Variants in GRAMD1C observed in about 807,000 individuals in gnomAD.
GRAMD1C encodes the protein GRAM domain containing 1C.
GRAMD1C carries 89 observed loss-of-function variants against 97.8 expected under a neutral mutation model. The ratio of observed to expected loss-of-function variants is 0.91; its 90% confidence interval spans 0.77 to 1.09. GRAMD1C has a LOEUF of 1.09. Ranked by LOEUF, GRAMD1C falls within the 50% of genes least tolerant of loss-of-function variation. GRAMD1C has a pLI of 0.00. For missense variants in GRAMD1C, 740 were observed against 766.4 expected, an observed-to-expected ratio of 0.97 and a Z score of 0.41; for synonymous variants, 256 against 267.0, an observed-to-expected ratio of 0.96 and a Z score of 0.40.
chr3:113,927,568 G>A (rs552700947), intron 10 of GRAMD1C, among the ~76,000 whole-genome samples: 24 of 152,324 alleles, frequency 1.6e-4, no homozygotes, highest in Admixed American at 7.2e-4. Context: ...GACTGGATGT[G>A]GTCACCTATT....
chr3:113,891,348 G>A (rs1935717019), intron 6 of GRAMD1C, among the ~76,000 whole-genome samples: 1 of 152,070 alleles, frequency 6.6e-6, no homozygotes, highest in Admixed American at 6.5e-5. Context: ...CATTTATGAA[G>A]TATTAGGTGC....
chr3:113,926,137 G>A (rs1184100598), intron 10 of GRAMD1C, among the ~76,000 whole-genome samples: 5 of 152,092 alleles, frequency 3.3e-5, no homozygotes, highest in Admixed American at 2.0e-4. Context: ...TGATATTTTC[G>A]AATATGTTGT....
chr3:113,892,996 A>G (rs1935797258), intron 6 of GRAMD1C, among the ~76,000 whole-genome samples: 1 of 152,212 alleles, frequency 6.6e-6, no homozygotes, highest in South Asian at 2.1e-4. Flanking sequence ...TGTGGCAATT[A>G]TATGAAATTC....
Position 113,838,796 on chromosome 3 carries a change from G to A in GRAMD1C, c.-114G>A, listed in dbSNP as rs898474387. On this transcript the variant is annotated 5_prime_UTR_variant, in exon 1 of 18. Transcript: ENST00000358160. ...GAGCTGCGGCTGGAAGTACTCGGAG[G>A]GCCGGCGGAGGAGGCGCGCGGAGCC... The A allele has an allele frequency of 3.1e-5, 21 of 686,432 alleles. No homozygotes were observed. The highest frequency in any genetic ancestry group is 4.2e-5 in the Non-Finnish European group (21 of 494,292). The allele number at this position is 686,432 out of a possible 1,614,324, so 42.5% of individuals were successfully genotyped here. A position where few individuals can be genotyped will look rare whatever the true frequency, so the allele number is the denominator to read the frequency against.
chr3:113,942,013 T>C (rs1937814398), intron 17 of GRAMD1C, among the ~76,000 whole-genome samples: 1 of 151,378 alleles, frequency 6.6e-6, no homozygotes, highest in Admixed American at 6.6e-5. Flanking sequence ...CCTCCTGGGC[T>C]CAAGCAAACC....
intron 6 of GRAMD1C, among the ~76,000 whole-genome samples, chr3:113,891,628 C>G (rs1280376442): frequency 6.6e-6 from 1 of 151,780 alleles, no homozygotes; most frequent in Non-Finnish European, 1.5e-5. Context: ...TGCTTGTAAT[C>G]CCAGCACTTC....
chr3:113,849,241 TA>T (rs1458657584), intron 2 of GRAMD1C, among the ~76,000 whole-genome samples: 1 of 151,914 alleles, frequency 6.6e-6, no homozygotes, highest in Non-Finnish European at 1.5e-5. Flanking sequence ...ATAGAAGTAA[TA>T]GTGCTTTGGA....
At chr3:113,890,046 CTCT>C (rs1251830296) in intron 6 of GRAMD1C, among the ~76,000 whole-genome samples, 1 of 144,688 alleles carries the variant, frequency 6.9e-6, no homozygotes, top group Non-Finnish European at 1.5e-5. Context: ...GCCTCCAGAG[CTCT>C]TCATGTTGAA....
At chr3:113,923,163 A>G (rs913578217) in intron 10 of GRAMD1C, among the ~76,000 whole-genome samples, 1 of 152,126 alleles carries the variant, frequency 6.6e-6, no homozygotes, top group Non-Finnish European at 1.5e-5. Context: ...TATCAGATCT[A>G]GGAGCTTTTG....
At chr3:113,907,798 C>G (rs4682146) in intron 8 of GRAMD1C, among the ~76,000 whole-genome samples, 41,910 of 151,982 alleles carry the variant, frequency 0.28, 6,647 homozygotes, top group East Asian at 0.42. Flanking sequence ...TATCTGTATT[C>G]TTTATAGTAG....
At chr3:113,851,205 TC>T (rs1258564774) in intron 2 of GRAMD1C, among the ~76,000 whole-genome samples, 1 of 152,126 alleles carries the variant, frequency 6.6e-6, no homozygotes, top group African/African-American at 2.4e-5. Context: ...TACTCAGGGG[TC>T]CTTTGTGTGT....
rs1239467571 is a variant in GRAMD1C at position 113,934,543 on chromosome 3, A to C, written c.1456+8A>C. 1.6e-6 allele frequency: 2 copies of C among 1,234,934 alleles called. No individual in the cohort carries two copies. Among genetic ancestry groups the C allele is most frequent in the African/African-American group, 1.5e-5 (1 of 64,844 alleles). The allele number at this position is 1,234,934 out of a possible 1,614,324, so 76.5% of individuals were successfully genotyped here. A position where few individuals can be genotyped will look rare whatever the true frequency, so the allele number is the denominator to read the frequency against. On this transcript the variant is annotated splice_region_variant and intron_variant, in intron 13 of 17. Transcript: ENST00000358160. ...ACTATTTCAAACAGCTTGGTTTGTAAATTTTTTTATTTATCTATTTTTGTA... is the reference window on the plus strand; with the variant it reads ...ACTATTTCAAACAGCTTGGTTTGTACATTTTTTTATTTATCTATTTTTGTA...
At position 113,876,280 on chromosome 3, in the gene GRAMD1C, T is replaced by G. The variant is rs1259845898; in HGVS notation, c.459+20T>G. On this transcript the variant is annotated intron_variant, in intron 5 of 17. Coordinates refer to ENST00000358160, the MANE Select transcript of GRAMD1C (RefSeq NM_017577.5). ...GAAAAGGTGAAAACTTTCCTATCTT[T>G]GTTATATTACATAATGTGAAGAAAA... 7.9e-7 allele frequency: 1 copy of G among 1,260,534 alleles called. No individual in the cohort carries two copies. 78.1% of individuals were successfully genotyped at this position (1,260,534 alleles called of 1,614,324 possible).
chr3:113,897,160 T>C lies in GRAMD1C; in HGVS notation c.541-3871T>C, dbSNP rs991336258. Among the ~76,000 whole-genome samples, 11 of 152,166 alleles carry C rather than the reference T, an allele frequency of 7.2e-5. 1 individual carries two copies. Among genetic ancestry groups the C allele is most frequent in the Admixed American group, 3.9e-4 (6 of 15,266 alleles). On this transcript the variant is annotated intron_variant, in intron 6 of 17. Coordinates refer to ENST00000358160, the MANE Select transcript of GRAMD1C (RefSeq NM_017577.5). ...ATCTTTGGTTGTTGTAAAGGATTAA[T>C]GCAAGAGTCTGATAGGAATACTACG... is the stretch of plus-strand genomic sequence containing the variant.
chr3:113,894,401 C>T (rs1935852742), intron 6 of GRAMD1C, among the ~76,000 whole-genome samples: 1 of 152,018 alleles, frequency 6.6e-6, no homozygotes, highest in South Asian at 2.1e-4. Flanking sequence ...GCCTCAGCCT[C>T]CTGAGTAGCT....
chr3:113,880,596 A>G (rs1488390212), intron 5 of GRAMD1C, among the ~76,000 whole-genome samples: 3 of 152,162 alleles, frequency 2.0e-5, no homozygotes, highest in Non-Finnish European at 4.4e-5. Flanking sequence ...GAACAGCCTG[A>G]CCATGCCCTC....
At position 113,943,648 on chromosome 3, in the gene GRAMD1C, T is replaced by C. The variant is rs972938713; in HGVS notation, c.1909-1750T>C. ...CATCTCCTTGGCTGGGCACAGTGGCTCACACCTGTAATCCTAGCACTTTGG... is the reference window on the plus strand; with the variant it reads ...CATCTCCTTGGCTGGGCACAGTGGCCCACACCTGTAATCCTAGCACTTTGG... On this transcript the variant is annotated intron_variant, in intron 17 of 17. Coordinates refer to ENST00000358160, the MANE Select transcript of GRAMD1C (RefSeq NM_017577.5). Among the ~76,000 whole-genome samples the C allele has an allele frequency of 2.4e-4, 37 of 152,222 alleles. 1 individual carries two copies. The highest frequency in any genetic ancestry group is 1.2e-3 in the Admixed American group (18 of 15,276).
intron 2 of GRAMD1C, among the ~76,000 whole-genome samples, chr3:113,868,117 CTGTT>C (rs1382045977): frequency 6.6e-5 from 10 of 152,126 alleles, no homozygotes; most frequent in African/African-American, 2.2e-4. Context: ...CCCAGAATGT[CTGTT>C]TCTTTACAGT....
chr3:113,860,891 G>A (rs1387985572), intron 2 of GRAMD1C, among the ~76,000 whole-genome samples: 5 of 151,588 alleles, frequency 3.3e-5, no homozygotes, highest in Admixed American at 6.6e-5. Flanking sequence ...GCTTGAACCC[G>A]GGAGGCAGAG....
Sources: allele counts gnomAD v4.1 joint callset (sites outside exome capture counted in the v4.1 genomes callset), GRCh38; gene constraint gnomAD v4.1.1; transcripts MANE v1.5; gene names NCBI Gene and HGNC (gene_info 2026-07-23, HGNC 2026-07-21).